The following CCDC73 variants were observed in gnomAD, a reference collection of about 807,000 sequenced individuals.
CCDC73 encodes the protein coiled-coil domain-containing protein 73.
A neutral mutation model predicts 116.5 loss-of-function variants in CCDC73; 95 were observed. That is an observed-to-expected ratio of 0.82 (90% CI 0.69 to 0.97). The LOEUF (loss-of-function observed/expected upper bound fraction) is 0.97. CCDC73 is among the 50% of genes least tolerant of loss of function. The pLI is 0.00. For synonymous variants in CCDC73, 398 were observed against 401.3 expected, an observed-to-expected ratio of 0.99 and a Z score of 0.10; for missense variants, 1,066 against 1,206.8, an observed-to-expected ratio of 0.88 and a Z score of 1.73.
chr11:32,709,687 C>T (rs1849883155), intron 3 of CCDC73, among the ~76,000 whole-genome samples: 1 of 152,166 alleles, frequency 6.6e-6, no homozygotes, highest in Non-Finnish European at 1.5e-5. Context: ...GTTATTATGT[C>T]CTTGCCTGGT....
At chr11:32,732,621 C>G (rs1177401742) in intron 2 of CCDC73, among the ~76,000 whole-genome samples, 1 of 152,092 alleles carries the variant, frequency 6.6e-6, no homozygotes, top group Non-Finnish European at 1.5e-5. Context: ...CTTCAACATT[C>G]TTAAAAAAAA....
chr11:32,777,220 C>T (rs1458049801), intron 1 of CCDC73, among the ~76,000 whole-genome samples: 3 of 151,082 alleles, frequency 2.0e-5, no homozygotes, highest in African/African-American at 7.3e-5. Flanking sequence ...ATTCTCCCGC[C>T]TCAGCCTCCC....
intron 9 of CCDC73, among the ~76,000 whole-genome samples, chr11:32,660,558 C>T (rs956802049): frequency 6.6e-6 from 1 of 152,000 alleles, no homozygotes; most frequent in African/African-American, 2.4e-5. Context: ...GGTGTGATGG[C>T]TCATACCTGT....
chr11:32,774,546 A>G (rs10767965), intron 1 of CCDC73, among the ~76,000 whole-genome samples: 41,107 of 152,106 alleles, frequency 0.27, 6,435 homozygotes, highest in East Asian at 0.79. Context: ...ACCTTGAATA[A>G]CATTGGTCCT....
intron 15 of CCDC73, 112 bp from the exon 16 acceptor site, chr11:32,615,054 G>A (rs1435996271): frequency 1.6e-6 from 1 of 614,678 alleles, no homozygotes; most frequent in African/African-American, 1.9e-5. Flanking sequence ...AATATTTTAT[G>A]GGTCAATAAT....
chr11:32,710,920 C>T (rs1439295802), intron 3 of CCDC73, among the ~76,000 whole-genome samples: 1 of 152,090 alleles, frequency 6.6e-6, no homozygotes, highest in Non-Finnish European at 1.5e-5. Flanking sequence ...AAATAATCAG[C>T]AGAGTTAACA....
At chr11:32,725,993 T>G (rs1324559752) in intron 2 of CCDC73, among the ~76,000 whole-genome samples, 3 of 152,138 alleles carry the variant, frequency 2.0e-5, no homozygotes, top group African/African-American at 7.2e-5. Flanking sequence ...TGGAAATAAA[T>G]TACTCCTCAC....
At chr11:32,615,763 A>G (rs1855467976) in intron 15 of CCDC73, 177 bp downstream of exon 15, 1 of 536,452 alleles carries the variant, frequency 1.9e-6, no homozygotes, top group South Asian at 2.5e-5. Context: ...TCTGGTCATC[A>G]GAAGGTTACT....
chr11:32,628,065 T>G (rs1855593102), intron 14 of CCDC73, among the ~76,000 whole-genome samples: 2 of 152,228 alleles, frequency 1.3e-5, no homozygotes, highest in South Asian at 4.1e-4. Context: ...CTTTAAAATT[T>G]AGACTTCCAG....
chr11:32,619,355 G>A (rs76332145), intron 14 of CCDC73, among the ~76,000 whole-genome samples: 5,628 of 152,172 alleles, frequency 0.037, 142 homozygotes, highest in Middle Eastern at 0.058. Context: ...GAAAATCATC[G>A]GCAGATAGAT....
intron 17 of CCDC73, among the ~76,000 whole-genome samples, chr11:32,606,462 A>T (rs1855352452): frequency 6.6e-6 from 1 of 152,204 alleles, no homozygotes; most frequent in South Asian, 2.1e-4. Flanking sequence ...TCTACTTTTG[A>T]ATTTGCCCCA....
intron 2 of CCDC73, among the ~76,000 whole-genome samples, chr11:32,741,485 T>C (rs1251948063): frequency 1.3e-5 from 2 of 152,166 alleles, no homozygotes; most frequent in Non-Finnish European, 2.9e-5. Flanking sequence ...TTTTGTCTGA[T>C]ATAAATATAG....
intron 9 of CCDC73, among the ~76,000 whole-genome samples, chr11:32,660,598 G>A (rs1356079101): frequency 1.3e-5 from 2 of 152,106 alleles, no homozygotes; most frequent in African/African-American, 4.8e-5. Flanking sequence ...GCTGAGGCAG[G>A]AGGACTACTT....
intron 1 of CCDC73, among the ~76,000 whole-genome samples, chr11:32,764,447 T>G (rs1850422092): frequency 6.6e-6 from 1 of 152,188 alleles, no homozygotes; most frequent in South Asian, 2.1e-4. Context: ...TAAGAGACTG[T>G]GGGCCAATAT....
chr11:32,690,625 TC>T (rs1856247848), intron 6 of CCDC73, among the ~76,000 whole-genome samples: 1 of 151,992 alleles, frequency 6.6e-6, no homozygotes, highest in South Asian at 2.1e-4. Context: ...TGTAGCACTT[TC>T]CCCCTTAGCA....
rs541106822 is a variant in CCDC73, at chr11:32,736,974, A to G, written c.136-18827T>C. ...TATATACACACATATACATATATAT[A>G]CATATATATGTATATATGTATATAT... On this transcript the variant is annotated intron_variant, in intron 2 of 17. Transcript: ENST00000335185. Among the ~76,000 whole-genome samples, 10 of 149,948 alleles carry G rather than the reference A, an allele frequency of 6.7e-5. No homozygotes were observed. The South Asian group carries it at 1.9e-3, about 28-fold the overall frequency.
chr11:32,625,597 G>C (rs901091626), intron 14 of CCDC73, among the ~76,000 whole-genome samples: 2 of 152,150 alleles, frequency 1.3e-5, no homozygotes, highest in Non-Finnish European at 2.9e-5. Flanking sequence ...TAAGAATGTT[G>C]AATATTGGCC....
chr11:32,775,157 G>A (rs2133390084), intron 1 of CCDC73, among the ~76,000 whole-genome samples: 1 of 152,222 alleles, frequency 6.6e-6, no homozygotes, highest in East Asian at 1.9e-4. Context: ...ACTCAGCTTT[G>A]GGAGCCAGTG....
chr11:32,625,782 C>T (rs1855566993), intron 14 of CCDC73, among the ~76,000 whole-genome samples: 1 of 151,994 alleles, frequency 6.6e-6, no homozygotes, highest in South Asian at 2.1e-4. Context: ...TTCAACAGCC[C>T]TTCATGCTAA....
Sources: allele counts gnomAD v4.1 joint callset (sites outside exome capture counted in the v4.1 genomes callset), GRCh38; gene constraint gnomAD v4.1.1; transcripts MANE v1.5; gene names NCBI Gene and HGNC (gene_info 2026-07-23, HGNC 2026-07-21).